Variants in PCSK5 observed in about 807,000 individuals in gnomAD.
The protein encoded by PCSK5 is prohormone convertase 5.
In PCSK5, 129 loss-of-function variants were observed where a neutral mutation model predicts 233.2. The ratio of observed to expected loss-of-function variants is 0.55; its 90% CI spans 0.48 to 0.64. PCSK5 has a LOEUF of 0.64. Ranked by LOEUF, PCSK5 falls within the 30% of genes least tolerant of loss-of-function variation. PCSK5 has a pLI of 0.00. For missense variants in PCSK5, 2,076 were observed against 2,430.1 expected (o/e 0.85, Z 3.06); for synonymous variants, 825 against 879.2 (o/e 0.94, Z 1.09).
intron 3 of PCSK5, among the ~76,000 whole-genome samples, chr9:76,004,961 T>C (rs1827414630): frequency 1.3e-5 from 2 of 152,234 alleles, no homozygotes; most frequent in Non-Finnish European, 2.9e-5. Context: ...TATGTCCTTT[T>C]TCAGCAGACA....
intron 3 of PCSK5, among the ~76,000 whole-genome samples, chr9:76,005,084 G>A (rs1172461866): frequency 6.6e-6 from 1 of 152,148 alleles, no homozygotes; most frequent in Non-Finnish European, 1.5e-5. Context: ...CTTTCACAGT[G>A]AGAATCATAG....
At chr9:76,258,798 G>A (rs1357344601) in intron 24 of PCSK5, among the ~76,000 whole-genome samples, 3 of 152,182 alleles carry the variant, frequency 2.0e-5, no homozygotes, top group African/African-American at 7.2e-5. Context: ...GATAAATTAT[G>A]TCAATTATTC....
chr9:76,020,639 A>G (rs1229699248), intron 3 of PCSK5, among the ~76,000 whole-genome samples: 1 of 152,256 alleles, frequency 6.6e-6, no homozygotes, highest in African/African-American at 2.4e-5. Context: ...AAGGTGGTAC[A>G]AGAATATTTA....
chr9:76,151,008 T>TA (rs10624054), intron 10 of PCSK5, among the ~76,000 whole-genome samples: 14,436 of 142,056 alleles, frequency 0.1, 743 homozygotes, highest in Middle Eastern at 0.12. Context: ...CTTTTTACAT[T>TA]AAAAAAAAAA....
At chr9:76,138,479 T>C (rs1823070187) in intron 10 of PCSK5, among the ~76,000 whole-genome samples, 1 of 152,082 alleles carries the variant, frequency 6.6e-6, no homozygotes, top group Non-Finnish European at 1.5e-5. Flanking sequence ...CTTGTATCAT[T>C]TCAGGAAGAA....
chr9:76,231,995 T>C (rs1826103023), intron 21 of PCSK5, among the ~76,000 whole-genome samples: 1 of 152,148 alleles, frequency 6.6e-6, no homozygotes, highest in African/African-American at 2.4e-5. Context: ...CAGATGCAAA[T>C]GACACAGACT....
In PCSK5 at chr9:75,908,972, TATCTATCTATCTATCTATCC is replaced by T. The variant is rs1376301252; in HGVS notation, c.192+17600_192+17619del. ...CTATCTATCTATCTATCTATCTATC[TATCTATCTATCTATCTATCC>T]GATTTTCTCTCCTCTGCTAGATAAT... is the stretch of plus-strand genomic sequence containing the variant. On this transcript the variant is annotated intron_variant, in intron 1 of 37. Coordinates refer to ENST00000674117, the MANE Select transcript of PCSK5 (RefSeq NM_001372043.1). Among the ~76,000 whole-genome samples the T allele has an allele frequency of 2.1e-4, 31 of 150,130 alleles. No individual in the cohort carries two copies. The East Asian group carries it at 4.6e-3, about 22-fold the overall frequency.
chr9:76,266,818 A>G (rs115850356), intron 24 of PCSK5, among the ~76,000 whole-genome samples: 2,119 of 152,248 alleles, frequency 0.014, 42 homozygotes, highest in African/African-American at 0.048. Context: ...AATGCTGAGC[A>G]TTGTCATCCA....
intron 30 of PCSK5, among the ~76,000 whole-genome samples, chr9:76,320,087 G>A (rs546088196): frequency 6.6e-6 from 1 of 151,948 alleles, no homozygotes; most frequent in South Asian, 2.1e-4. Context: ...ACCGGTTTCC[G>A]CATCTTGATG....
intron 17 of PCSK5, among the ~76,000 whole-genome samples, chr9:76,187,539 C>G (rs1824164548): frequency 6.6e-6 from 1 of 151,806 alleles, no homozygotes; most frequent in Middle Eastern, 3.4e-3. Context: ...TTTTTTTTAG[C>G]CTTTGTAGAG....
intron 2 of PCSK5, among the ~76,000 whole-genome samples, chr9:75,957,540 CAT>C (rs1425904508): frequency 9.2e-5 from 14 of 152,048 alleles, no homozygotes; most frequent in Admixed American, 1.3e-4. Flanking sequence ...CTGACAAAAA[CAT>C]AGTTTTAGGA....
chr9:76,296,535 T>C, intron 26 of PCSK5, 130 bp from the exon 27 acceptor site: 1 of 638,948 alleles, frequency 1.6e-6, no homozygotes, highest in South Asian at 2.0e-5. Context: ...AGAGAGAGAC[T>C]CCATCTCAAA....
intron 28 of PCSK5, among the ~76,000 whole-genome samples, chr9:76,307,152 G>A (rs543447544): frequency 4.0e-5 from 6 of 151,404 alleles, no homozygotes; most frequent in South Asian, 2.1e-4. Context: ...TAGAGACAAG[G>A]AAAGTAGGAT....
At chr9:76,282,053 T>C (rs1827883879) in intron 24 of PCSK5, among the ~76,000 whole-genome samples, 1 of 148,382 alleles carries the variant, frequency 6.7e-6, no homozygotes, top group Admixed American at 6.8e-5. Context: ...GGATGCACCA[T>C]TTTTTTCTTT....
rs781688558 is a variant in PCSK5 at position 76,048,151 on chromosome 9, A to T, written c.633-19804A>T. Among the ~76,000 whole-genome samples, 130 of 152,068 alleles carry T rather than the reference A, an allele frequency of 8.5e-4. 1 individual carries two copies. The highest frequency in any genetic ancestry group is 5.6e-4 in the Non-Finnish European group (38 of 68,016). ...GAAGCTGTTCTTAAATATTATTTTC[A>T]TTGTATAAAACCCTGTGTCTTTTTG... On this transcript the variant is annotated intron_variant, in intron 5 of 37. Coordinates refer to ENST00000674117, the MANE Select transcript of PCSK5 (RefSeq NM_001372043.1).
chr9:75,905,729 T>C (rs1279971509), intron 1 of PCSK5, among the ~76,000 whole-genome samples: 1 of 152,156 alleles, frequency 6.6e-6, no homozygotes, highest in East Asian at 1.9e-4. Flanking sequence ...TAGACTCTTG[T>C]AGCAGGGCGA....
chr9:75,940,653 G>A (rs1234992061), intron 2 of PCSK5, among the ~76,000 whole-genome samples: 5 of 152,190 alleles, frequency 3.3e-5, no homozygotes, highest in Admixed American at 2.6e-4. Context: ...AGTAAAATAG[G>A]TGTAATGGAG....
chr9:76,291,234 A>G (rs2842483), intron 24 of PCSK5, among the ~76,000 whole-genome samples: 39,824 of 152,146 alleles, frequency 0.26, 5,452 homozygotes, highest in African/African-American at 0.33. Context: ...TAAAGATTTG[A>G]GTGAGGTTGT....
intron 5 of PCSK5, among the ~76,000 whole-genome samples, chr9:76,028,920 T>G (rs548382960): frequency 6.6e-6 from 1 of 152,308 alleles, no homozygotes; most frequent in East Asian, 1.9e-4. Flanking sequence ...CGGTTGGGTC[T>G]GATCTCTTTC....
Sources: allele counts gnomAD v4.1 joint callset (sites outside exome capture counted in the v4.1 genomes callset), GRCh38; gene constraint gnomAD v4.1.1; transcripts MANE v1.5; gene names NCBI Gene and HGNC (gene_info 2026-07-23, HGNC 2026-07-21).